The following BTRC variants were observed in gnomAD, a reference collection of about 807,000 sequenced individuals.
BTRC encodes the protein F-box/WD repeat-containing protein 1A.
A neutral mutation model predicts 85.5 loss-of-function variants in BTRC; 42 were observed. The observed-to-expected ratio is 0.49, with a 90% CI of 0.38 to 0.64. The LOEUF is 0.64. Ranked by LOEUF, BTRC falls within the 30% of genes least tolerant of loss-of-function variation. The pLI, the probability that BTRC is intolerant of heterozygous loss-of-function variation, is 0.00. For missense variants in BTRC, 594 were observed against 743.5 expected (o/e 0.80, Z 2.34); for synonymous variants, 255 against 263.3 (o/e 0.97, Z 0.30).
chr10:101,396,444 C>T (rs1186474986), intron 1 of BTRC, among the ~76,000 whole-genome samples: 1 of 145,442 alleles, frequency 6.9e-6, no homozygotes, highest in African/African-American at 2.6e-5. Context: ...CATGGTCTCA[C>T]TGTGTTGCCC....
At chr10:101,378,520 ATT>A (rs368968037) in intron 1 of BTRC, among the ~76,000 whole-genome samples, 1,152 of 97,094 alleles carry the variant, frequency 0.012, 6 homozygotes, top group South Asian at 0.06. Flanking sequence ...CCCAATTATA[ATT>A]TTTTTTTTTT....
At chr10:101,483,399 C>T (rs1157663028) in intron 4 of BTRC, among the ~76,000 whole-genome samples, 1 of 152,172 alleles carries the variant, frequency 6.6e-6, no homozygotes, top group Non-Finnish European at 1.5e-5. Context: ...TCAAGACCAG[C>T]CCAACCAACA....
intron 13 of BTRC, among the ~76,000 whole-genome samples, chr10:101,539,944 T>A (rs2062441314): frequency 6.6e-6 from 1 of 152,232 alleles, no homozygotes; most frequent in Non-Finnish European, 1.5e-5. Context: ...TCTCCTTTGG[T>A]GAAGTGTGTT....
At chr10:101,409,075 G>A (rs35464935) in intron 1 of BTRC, among the ~76,000 whole-genome samples, 55,493 of 151,952 alleles carry the variant, frequency 0.37, 11,164 homozygotes, top group Middle Eastern at 0.48. Context: ...AACAAAAAAA[G>A]CCACACAAAA....
chr10:101,356,563 A>G (rs1942040555), intron 1 of BTRC, among the ~76,000 whole-genome samples: 1 of 152,164 alleles, frequency 6.6e-6, no homozygotes, highest in Non-Finnish European at 1.5e-5. Context: ...TAAATCTTGA[A>G]TCAGTTTTCA....
At chr10:101,541,320 C>T (rs895868252) in intron 13 of BTRC, among the ~76,000 whole-genome samples, 6 of 150,862 alleles carry the variant, frequency 4.0e-5, no homozygotes, top group African/African-American at 9.8e-5. Context: ...AGTGCAGTGG[C>T]GCGATCTCAG....
chr10:101,423,379 T>TA (rs1944160814), intron 1 of BTRC, among the ~76,000 whole-genome samples: 1 of 152,222 alleles, frequency 6.6e-6, no homozygotes, highest in African/African-American at 2.4e-5. Flanking sequence ...TGCAGCTTGT[T>TA]AGTTTGTTAT....
chr10:101,393,788 G>GCACAC (rs1402005375), intron 1 of BTRC, among the ~76,000 whole-genome samples: 1 of 152,168 alleles, frequency 6.6e-6, no homozygotes, highest in African/African-American at 2.4e-5. Flanking sequence ...CCTGGCATGT[G>GCACAC]CACACCCTGC....
At chr10:101,456,977 C>A (rs1456477693) in intron 2 of BTRC, among the ~76,000 whole-genome samples, 1 of 152,002 alleles carries the variant, frequency 6.6e-6, no homozygotes, top group Admixed American at 6.6e-5. Context: ...GGGTATGTTC[C>A]CCAGTGGATG....
intron 6 of BTRC, among the ~76,000 whole-genome samples, chr10:101,526,553 G>A (rs1430302431): frequency 1.3e-5 from 2 of 152,206 alleles, no homozygotes; most frequent in African/African-American, 2.4e-5. Flanking sequence ...GCCAAGGTGG[G>A]CAGATCACTC....
chr10:101,374,660 A>G (rs1383839173), intron 1 of BTRC, among the ~76,000 whole-genome samples: 2 of 144,904 alleles, frequency 1.4e-5, no homozygotes, highest in African/African-American at 5.1e-5. Context: ...GAGGGATAGC[A>G]TTGGGAGATA....
rs2062689604 is a variant in BTRC at position 101,553,828 on chromosome 10, G to A, written c.*705G>A. The A allele has an allele frequency of 1.3e-5, 2 of 152,638 alleles. No individual in the cohort carries two copies. The highest frequency in any genetic ancestry group is 1.3e-4 in the Admixed American group (2 of 15,286). 9.5% of individuals were successfully genotyped at this position (152,638 alleles called of 1,614,324 possible). On this transcript the variant is annotated 3_prime_UTR_variant, in exon 15 of 15. Transcript: ENST00000370187. ...CCTTTTTTCTCTGTCTGCTTCACCT[G>A]AGAAGAAAGTGTACGAAGAGAGTGT...
intron 4 of BTRC, among the ~76,000 whole-genome samples, chr10:101,514,673 G>A (rs563642079): frequency 6.4e-4 from 97 of 152,020 alleles, no homozygotes; most frequent in Non-Finnish European, 1.3e-3. Context: ...GGCTGGTCTC[G>A]ATTTCCTGAC....
intron 3 of BTRC, among the ~76,000 whole-genome samples, chr10:101,471,702 G>A (rs1045960997): frequency 6.0e-4 from 92 of 152,148 alleles, no homozygotes; most frequent in African/African-American, 2.1e-3. Flanking sequence ...AACCACTTGG[G>A]CCTGTAGTTT....
chr10:101,516,723 A>C (rs546821877), intron 4 of BTRC, among the ~76,000 whole-genome samples: 19 of 152,178 alleles, frequency 1.2e-4, no homozygotes, highest in African/African-American at 1.9e-4. Context: ...AGGCAGTTTT[A>C]CCTAACAGTC....
chr10:101,477,411 C>A (rs1589523298), intron 3 of BTRC, among the ~76,000 whole-genome samples: 1 of 152,304 alleles, frequency 6.6e-6, no homozygotes, highest in African/African-American at 2.4e-5. Context: ...GGAAACATTT[C>A]TATTAATATA....
intron 13 of BTRC, 125 bp from the exon 14 acceptor site, chr10:101,550,574 G>T (rs1589634159): frequency 2.1e-6 from 2 of 974,498 alleles, no homozygotes; most frequent in Non-Finnish European, 3.1e-6. Flanking sequence ...GAGCCACTGC[G>T]CCTGGCCTCT....
intron 1 of BTRC, among the ~76,000 whole-genome samples, chr10:101,375,370 C>T (rs1942763289): frequency 6.6e-6 from 1 of 152,160 alleles, no homozygotes; most frequent in African/African-American, 2.4e-5. Context: ...GAGGCCTCCC[C>T]AGAAGCAGAA....
chr10:101,523,228 GATAA>G (rs1370617321), intron 5 of BTRC, among the ~76,000 whole-genome samples: 2 of 151,922 alleles, frequency 1.3e-5, no homozygotes, highest in African/African-American at 4.8e-5. Flanking sequence ...TAAATAAATA[GATAA>G]ATAAATTCTA....
Sources: gnomAD v4.1 joint callset for allele counts (sites outside exome capture counted in the v4.1 genomes callset) on GRCh38, gnomAD v4.1.1 for gene constraint, MANE v1.5 for transcripts, NCBI Gene and HGNC (gene_info 2026-07-23, HGNC 2026-07-21) for gene names.